Variants in ZNF804A observed in about 807,000 individuals in gnomAD.
ZNF804A encodes zinc finger protein 804A.
In ZNF804A, 2 loss-of-function variants were observed where a neutral mutation model predicts 16.5. The ratio of observed to expected loss-of-function variants is 0.12; its 90% CI spans 0.05 to 0.38. The LOEUF (loss-of-function observed/expected upper bound fraction) is 0.38, where lower values mean the gene tolerates loss of function less well. Ranked by LOEUF, ZNF804A falls within the 10% of genes least tolerant of loss-of-function variation. ZNF804A has a pLI of 0.99. For synonymous variants in ZNF804A, 534 were observed against 489.6 expected, an observed-to-expected ratio of 1.09 and a Z score of -1.20; for missense variants, 1,473 against 1,390.7, an observed-to-expected ratio of 1.06 and a Z score of -0.94.
At chr2:184,832,389 T>C (rs900228010) in intron 1 of ZNF804A, among the ~76,000 whole-genome samples, 1 of 152,082 alleles carries the variant, frequency 6.6e-6, no homozygotes, top group Non-Finnish European at 1.5e-5. Context: ...TTTAAATGCT[T>C]ATTCTTCATG....
chr2:184,683,959 T>G (rs1196481848), intron 1 of ZNF804A, among the ~76,000 whole-genome samples: 3 of 152,230 alleles, frequency 2.0e-5, no homozygotes, highest in Non-Finnish European at 4.4e-5. Flanking sequence ...GTCTGTTTTA[T>G]GTTTTATTTG....
chr2:184,836,098 A>T (rs1243323322), intron 1 of ZNF804A, among the ~76,000 whole-genome samples: 2 of 152,158 alleles, frequency 1.3e-5, no homozygotes, highest in African/African-American at 4.8e-5. Flanking sequence ...ATGAGAATTA[A>T]TAATACTTAC....
chr2:184,773,435 A>G (rs758482093), intron 1 of ZNF804A, among the ~76,000 whole-genome samples: 18 of 151,954 alleles, frequency 1.2e-4, no homozygotes, highest in Non-Finnish European at 2.1e-4. Flanking sequence ...CCTGCTAACA[A>G]TGGTCAGGAA....
At chr2:184,749,362 A>G (rs1693841831) in intron 1 of ZNF804A, among the ~76,000 whole-genome samples, 1 of 151,152 alleles carries the variant, frequency 6.6e-6, no homozygotes, top group African/African-American at 2.4e-5. Context: ...TGTGTTCTTG[A>G]TTTGGCCTTC....
intron 1 of ZNF804A, among the ~76,000 whole-genome samples, chr2:184,638,447 A>C (rs982559263): frequency 6.6e-6 from 1 of 152,170 alleles, no homozygotes. Context: ...CAGAGACCTC[A>C]TAATGTGTGG....
At chr2:184,905,584 T>C (rs1685258096) in intron 2 of ZNF804A, among the ~76,000 whole-genome samples, 1 of 152,180 alleles carries the variant, frequency 6.6e-6, no homozygotes, top group Non-Finnish European at 1.5e-5. Flanking sequence ...ATGTGTTATT[T>C]TTTCTGTAGT....
chr2:184,681,108 A>C (rs1183331050), intron 1 of ZNF804A, among the ~76,000 whole-genome samples: 1 of 152,186 alleles, frequency 6.6e-6, no homozygotes, highest in Non-Finnish European at 1.5e-5. Flanking sequence ...GGAAGGTGCA[A>C]GATCCAGGGC....
At chr2:184,740,881 C>T (rs1374527612) in intron 1 of ZNF804A, among the ~76,000 whole-genome samples, 1 of 152,164 alleles carries the variant, frequency 6.6e-6, no homozygotes, top group East Asian at 1.9e-4. Context: ...AATTACTCAA[C>T]TACTTCCTTT....
intron 1 of ZNF804A, among the ~76,000 whole-genome samples, chr2:184,758,960 G>A (rs1368706087): frequency 2.0e-5 from 3 of 151,646 alleles, no homozygotes; most frequent in Admixed American, 1.3e-4. Context: ...TTTTTTGTCA[G>A]GAGATACATA....
intron 1 of ZNF804A, among the ~76,000 whole-genome samples, chr2:184,782,654 T>C (rs2105774478): frequency 6.7e-6 from 1 of 149,898 alleles, no homozygotes; most frequent in African/African-American, 2.4e-5. Flanking sequence ...TTATTAAGCA[T>C]ATATATATAT....
intron 1 of ZNF804A, among the ~76,000 whole-genome samples, chr2:184,721,432 A>C (rs1693313299): frequency 6.6e-6 from 1 of 152,130 alleles, no homozygotes; most frequent in African/African-American, 2.4e-5. Flanking sequence ...ACATTCATAG[A>C]TATTTCTCAA....
At chr2:184,769,574 A>G (rs1302565400) in intron 1 of ZNF804A, among the ~76,000 whole-genome samples, 1 of 152,046 alleles carries the variant, frequency 6.6e-6, no homozygotes, top group East Asian at 1.9e-4. Context: ...AAGGTCTGCT[A>G]TATTTAGTGT....
At chr2:184,643,691 A>G (rs1005595807) in intron 1 of ZNF804A, among the ~76,000 whole-genome samples, 6 of 151,670 alleles carry the variant, frequency 4.0e-5, no homozygotes, top group Non-Finnish European at 8.9e-5. Context: ...TGCTCTTGCA[A>G]TTTTTGTACA....
At chr2:184,713,469 G>C (rs1693162050) in intron 1 of ZNF804A, among the ~76,000 whole-genome samples, 2 of 151,728 alleles carry the variant, frequency 1.3e-5, no homozygotes, top group Admixed American at 6.6e-5. Context: ...TAAAAAAAAA[G>C]TATGTCTTCC....
chr2:184,785,115 C>T (rs1694427559), intron 1 of ZNF804A, among the ~76,000 whole-genome samples: 1 of 151,970 alleles, frequency 6.6e-6, no homozygotes, highest in African/African-American at 2.4e-5. Flanking sequence ...TGCAAGGTTG[C>T]TATCTTAGGG....
chr2:184,933,143 GCACACA>G (rs35560626), intron 2 of ZNF804A, among the ~76,000 whole-genome samples: 32 of 148,466 alleles, frequency 2.2e-4, no homozygotes, highest in East Asian at 9.8e-4. Context: ...ACACACACAC[GCACACA>G]CACACACACA....
intron 1 of ZNF804A, among the ~76,000 whole-genome samples, chr2:184,864,387 T>C (rs923039833): frequency 2.0e-5 from 3 of 152,110 alleles, no homozygotes; most frequent in Admixed American, 6.6e-5. Context: ...CCCAAACACC[T>C]CCCATTAGGC....
intron 2 of ZNF804A, among the ~76,000 whole-genome samples, chr2:184,907,401 G>A (rs1685293571): frequency 6.6e-6 from 1 of 152,054 alleles, no homozygotes; most frequent in South Asian, 2.1e-4. Context: ...ATTACACAAA[G>A]CTTATTTACA....
rs199924745 is a variant in ZNF804A at position 184,824,604 on chromosome 2, T to G, written c.112-41765T>G. 1.1e-4 allele frequency among the ~76,000 whole-genome samples: 16 copies of G among 152,324 alleles called. No individual in the cohort carries two copies. In the East Asian group the frequency reaches 2.5e-3, roughly 24 times the overall value. ...TATTATTTACTGTTCTTATTACTAT[T>G]TCTGCCTAAGAACAAACTATCTCAT... On this transcript the variant is annotated intron_variant, in intron 1 of 3. Transcript: ENST00000302277.
Sources: allele counts gnomAD v4.1 joint callset (sites outside exome capture counted in the v4.1 genomes callset), GRCh38; gene constraint gnomAD v4.1.1; transcripts MANE v1.5; gene names NCBI Gene and HGNC (gene_info 2026-07-23, HGNC 2026-07-21).